Variants in MGAT4C observed in about 807,000 individuals in gnomAD.
MGAT4C encodes MGAT4 family member C.
Under a neutral mutation model 40.1 loss-of-function variants are expected in MGAT4C, and 19 were observed. That is an observed-to-expected ratio of 0.47 (90% confidence interval 0.33 to 0.70). MGAT4C has a LOEUF of 0.70. MGAT4C is among the 30% of genes least tolerant of loss of function. The probability of loss-of-function intolerance (pLI) is 0.02; values close to 1 mark genes in which losing one functional copy is unlikely to be tolerated. For missense variants in MGAT4C, 491 were observed against 563.2 expected, an observed-to-expected ratio of 0.87 and a Z score of 1.30; for synonymous variants, 181 against 187.1, an observed-to-expected ratio of 0.97 and a Z score of 0.27.
chr12:86,065,851 T>A (rs1179495936), intron 1 of MGAT4C, among the ~76,000 whole-genome samples: 1 of 152,200 alleles, frequency 6.6e-6, no homozygotes, highest in Admixed American at 6.5e-5. Context: ...GATAAGCAAC[T>A]TCAGCAATGT....
At chr12:86,198,764 C>A (rs2135926122) in intron 1 of MGAT4C, among the ~76,000 whole-genome samples, 1 of 152,232 alleles carries the variant, frequency 6.6e-6, no homozygotes, top group Non-Finnish European at 1.5e-5. Flanking sequence ...CCCTGTAATG[C>A]TCAAAATGCC....
chr12:86,487,829 TGTTAAAA>T (rs969987850), intron 2 of MGAT4C, among the ~76,000 whole-genome samples: 1 of 152,176 alleles, frequency 6.6e-6, no homozygotes, highest in African/African-American at 2.4e-5. Flanking sequence ...TTGACATAAA[TGTTAAAA>T]GTTTGTTTTT....
chr12:86,616,634 C>T (rs1355772320), intron 2 of MGAT4C, among the ~76,000 whole-genome samples: 1 of 151,744 alleles, frequency 6.6e-6, no homozygotes, highest in African/African-American at 2.4e-5. Flanking sequence ...ACAGTACATG[C>T]TACTCATTTA....
At chr12:86,521,784 A>G (rs1036817146) in intron 2 of MGAT4C, among the ~76,000 whole-genome samples, 16 of 151,772 alleles carry the variant, frequency 1.1e-4, no homozygotes, top group Non-Finnish European at 2.1e-4. Flanking sequence ...TCCTTTGGGC[A>G]GTGTTTTGTA....
intron 4 of MGAT4C, among the ~76,000 whole-genome samples, chr12:86,281,588 T>C (rs1466059290): frequency 1.3e-5 from 2 of 152,128 alleles, no homozygotes; most frequent in African/African-American, 4.8e-5. Flanking sequence ...CACACTATGT[T>C]GCCCAAGCTG....
At chr12:86,830,924 A>G (rs1249352962) in intron 1 of MGAT4C, among the ~76,000 whole-genome samples, 1 of 151,804 alleles carries the variant, frequency 6.6e-6, no homozygotes, top group Non-Finnish European at 1.5e-5. Flanking sequence ...GTTTAAAGAT[A>G]ACTAGAAGGA....
chr12:86,333,447 G>A (rs1285089365), intron 4 of MGAT4C, among the ~76,000 whole-genome samples: 2 of 151,982 alleles, frequency 1.3e-5, no homozygotes, highest in African/African-American at 4.8e-5. Flanking sequence ...TGACAGTTCT[G>A]CTATCCCAGA....
chr12:86,633,333 T>G (rs1170537634), intron 2 of MGAT4C, among the ~76,000 whole-genome samples: 1 of 152,082 alleles, frequency 6.6e-6, no homozygotes, highest in Non-Finnish European at 1.5e-5. Context: ...TACTATCATT[T>G]TTGTCATTTA....
chr12:86,028,109 A>G (rs1427603314), intron 2 of MGAT4C: 2 of 1,286,390 alleles, frequency 1.6e-6, no homozygotes, highest in East Asian at 1.1e-4. Flanking sequence ...AATACCTTGC[A>G]TCTTCTGGAT....
intron 4 of MGAT4C, among the ~76,000 whole-genome samples, chr12:86,313,520 G>A (rs573082385): frequency 2.6e-5 from 4 of 152,136 alleles, no homozygotes; most frequent in South Asian, 2.1e-4. Context: ...ATTGATTAAT[G>A]GAAATCAGCA....
chr12:86,743,174 T>A (rs1335628744), intron 1 of MGAT4C, among the ~76,000 whole-genome samples: 1 of 150,818 alleles, frequency 6.6e-6, no homozygotes, highest in Non-Finnish European at 1.5e-5. Context: ...GGGGTCAGTC[T>A]CAGGTTACTC....
rs1342032010 is a variant in MGAT4C, at chr12:86,159,913, C to A, written c.-57+96326G>T. 7.2e-5 allele frequency among the ~76,000 whole-genome samples: 11 copies of A among 151,926 alleles called. No homozygotes were observed. In the East Asian group the frequency reaches 2.1e-3, roughly 29 times the overall value. Reference sequence around the variant, plus strand: ...CTTTGTCATTTCTGATCGGGCTTTACTTGGGTCTTCTCTTTCTTTCTCTTT... The same window carrying A: ...CTTTGTCATTTCTGATCGGGCTTTAATTGGGTCTTCTCTTTCTTTCTCTTT... On this transcript the variant is annotated intron_variant, in intron 1 of 4. Transcript: ENST00000611864.
At chr12:86,111,215 G>A (rs2135642575) in intron 1 of MGAT4C, among the ~76,000 whole-genome samples, 1 of 151,850 alleles carries the variant, frequency 6.6e-6, no homozygotes. Context: ...AAATATAAAT[G>A]CATCAGTAAA....
intron 1 of MGAT4C, among the ~76,000 whole-genome samples, chr12:86,195,957 T>A (rs539375551): frequency 6.6e-6 from 1 of 152,348 alleles, no homozygotes; most frequent in African/African-American, 2.4e-5. Context: ...TATATAGACA[T>A]GTATATAGAA....
chr12:86,685,649 C>A (rs1164480728), intron 2 of MGAT4C, among the ~76,000 whole-genome samples: 1 of 152,124 alleles, frequency 6.6e-6, no homozygotes, highest in Non-Finnish European at 1.5e-5. Flanking sequence ...AATATTGATT[C>A]TTTCTCTCCA....
intron 2 of MGAT4C, among the ~76,000 whole-genome samples, chr12:86,629,841 G>C (rs1284173421): frequency 6.6e-6 from 1 of 152,098 alleles, no homozygotes; most frequent in Non-Finnish European, 1.5e-5. Flanking sequence ...ACAATTAAAA[G>C]AACTAGAGAA....
chr12:86,309,481 G>A (rs1954016443), intron 4 of MGAT4C, among the ~76,000 whole-genome samples: 1 of 152,094 alleles, frequency 6.6e-6, no homozygotes, highest in Non-Finnish European at 1.5e-5. Flanking sequence ...AAGAAGGTGA[G>A]GACGGGGGGC....
chr12:86,823,806 C>A (rs1952750944), intron 1 of MGAT4C, among the ~76,000 whole-genome samples: 1 of 150,770 alleles, frequency 6.6e-6, no homozygotes, highest in Non-Finnish European at 1.5e-5. Context: ...AAGTGATATG[C>A]AGAAAACAGT....
At chr12:86,355,243 T>C (rs1955283090) in intron 3 of MGAT4C, among the ~76,000 whole-genome samples, 1 of 152,204 alleles carries the variant, frequency 6.6e-6, no homozygotes, top group African/African-American at 2.4e-5. Flanking sequence ...CAATCCTACC[T>C]ACAGAATGCT....
Sources: allele counts gnomAD v4.1 joint callset (sites outside exome capture counted in the v4.1 genomes callset), GRCh38; gene constraint gnomAD v4.1.1; transcripts MANE v1.5; gene names NCBI Gene and HGNC (gene_info 2026-07-23, HGNC 2026-07-21).